Variants in KIRREL3 observed in about 807,000 individuals in gnomAD.
KIRREL3 encodes the protein kirre like nephrin family adhesion molecule 3, also known as kin of IRRE-like protein 3.
Under a neutral mutation model 89.7 loss-of-function variants are expected in KIRREL3, and 36 were observed. That is an observed-to-expected ratio of 0.40 (90% CI 0.31 to 0.53). The LOEUF is 0.53. Among genes scored for constraint, KIRREL3 ranks in the 20% least tolerant of loss-of-function variants. The pLI is 0.49. For missense variants in KIRREL3, 864 were observed against 1,056.6 expected, an observed-to-expected ratio of 0.82 and a Z score of 2.53; for synonymous variants, 445 against 441.4, an observed-to-expected ratio of 1.01 and a Z score of -0.10.
rs1240978396 is a variant in KIRREL3 at position 126,791,343 on chromosome 11, T to C, written c.55+209112A>G. Among the ~76,000 whole-genome samples the C allele has an allele frequency of 2.6e-5, 4 of 152,212 alleles. No individual in the cohort carries two copies. Among genetic ancestry groups the C allele is most frequent in the Non-Finnish European group, 5.9e-5 (4 of 68,044 alleles). On this transcript the variant is annotated intron_variant, in intron 1 of 16. Transcript: ENST00000525144. The surrounding 1 kb of genome is among the most constrained non-coding windows in gnomAD (Gnocchi z 4.8). ...TATCATAATAGGACATTCCAATTCA[T>C]CGTCCCTGGCCTGGGCTGCATGCAG...
intron 1 of KIRREL3, among the ~76,000 whole-genome samples, chr11:126,746,611 C>A (rs1486082677): frequency 6.6e-6 from 1 of 152,142 alleles, no homozygotes; most frequent in Non-Finnish European, 1.5e-5. Flanking sequence ...AATCTGGAAA[C>A]CTGAGCTTGA....
intron 2 of KIRREL3, among the ~76,000 whole-genome samples, chr11:126,539,922 T>C (rs1294570390): frequency 1.3e-5 from 2 of 152,306 alleles, no homozygotes; most frequent in East Asian, 1.9e-4. Flanking sequence ...TGTGACTATC[T>C]AAGAGGGACA....
chr11:126,729,000 T>C (rs772631054), intron 1 of KIRREL3, among the ~76,000 whole-genome samples: 29 of 152,160 alleles, frequency 1.9e-4, no homozygotes, highest in Non-Finnish European at 4.0e-4. Context: ...TGAGGAGACC[T>C]TGAGGAGGAG....
In KIRREL3 at chr11:126,909,782, G is replaced by A. The variant is rs1946739281; in HGVS notation, c.55+90673C>T. ...GAAAACAGTTGTGCATGAGGCTGAA[G>A]CACCGCCATTATAAAAAACTTGGTT... On this transcript the variant is annotated intron_variant, in intron 1 of 16. Coordinates refer to ENST00000525144, the MANE Select transcript of KIRREL3 (RefSeq NM_032531.4). This position sits in a 1 kb window ranked among gnomAD's most constrained non-coding sequence, Gnocchi z 4.5. Among the ~76,000 whole-genome samples, 1 of 152,176 alleles carries A rather than the reference G, an allele frequency of 6.6e-6. No individual in the cohort carries two copies. The highest frequency in any genetic ancestry group is 1.5e-5 in the Non-Finnish European group (1 of 68,024).
rs1322613449 is a variant in KIRREL3 at position 126,557,257 on chromosome 11, G to A, written c.133+5578C>T. On this transcript the variant is annotated intron_variant, in intron 2 of 16. Transcript: ENST00000525144. The surrounding 1 kb of genome is among the most constrained non-coding windows in gnomAD (Gnocchi z 5.6). ...CCAGCATATAGCTGATATGGCCTGA[G>A]TTCACCCTTAATGACAGATGGGAGA... Among the ~76,000 whole-genome samples the A allele has an allele frequency of 6.6e-6, 1 of 152,172 alleles. No individual in the cohort carries two copies. Among genetic ancestry groups the A allele is most frequent in the Non-Finnish European group, 1.5e-5 (1 of 68,048 alleles).
intron 1 of KIRREL3, among the ~76,000 whole-genome samples, chr11:126,727,791 G>T (rs1458916742): frequency 6.6e-6 from 1 of 152,192 alleles, no homozygotes; most frequent in Admixed American, 6.5e-5. Context: ...AGAACTAAAC[G>T]AAGGACTTTC....
At chr11:126,637,800 G>A (rs766442577) in intron 1 of KIRREL3, among the ~76,000 whole-genome samples, 10 of 152,172 alleles carry the variant, frequency 6.6e-5, no homozygotes, top group Non-Finnish European at 1.3e-4. Flanking sequence ...TATCCATCTA[G>A]GAAACATTTA....
rs1388590442 is a variant in KIRREL3 at position 126,846,676 on chromosome 11, C to CA, written c.55+153778dup. 7.3e-5 allele frequency among the ~76,000 whole-genome samples: 11 copies of CA among 151,666 alleles called. No homozygotes were observed. The East Asian group carries it at 1.4e-3, about 19-fold the overall frequency. ...CTACTAAAAACAAAACAAAACAAAACAGACAAACAAAAAAAAATTTCACAC... is the reference window on the plus strand; with the variant it reads ...CTACTAAAAACAAAACAAAACAAAACAAGACAAACAAAAAAAAATTTCACAC... On this transcript the variant is annotated intron_variant, in intron 1 of 16. Transcript: ENST00000525144.
intron 8 of KIRREL3, among the ~76,000 whole-genome samples, chr11:126,448,409 G>A (rs1360181562): frequency 6.6e-6 from 1 of 152,056 alleles, no homozygotes; most frequent in Non-Finnish European, 1.5e-5. Context: ...GTTCTCATTT[G>A]GCCACCTACT....
At chr11:126,779,992 G>T (rs975241482) in intron 1 of KIRREL3, among the ~76,000 whole-genome samples, 4 of 152,144 alleles carry the variant, frequency 2.6e-5, no homozygotes, top group African/African-American at 4.8e-5. Context: ...AGTGGGGAAA[G>T]CTCGGCTGAG....
At chr11:126,800,384 A>G (rs957081517) in intron 1 of KIRREL3, among the ~76,000 whole-genome samples, 2 of 152,138 alleles carry the variant, frequency 1.3e-5, no homozygotes. Context: ...TGGAGCTTGC[A>G]TTGTGATCAC....
At chr11:126,449,200 G>A (rs776609961) in intron 7 of KIRREL3, 43 bp from the exon 8 acceptor site, 6 of 1,606,244 alleles carry the variant, frequency 3.7e-6, no homozygotes, top group African/African-American at 2.7e-5. Flanking sequence ...TGAGTGGCAA[G>A]GCCAACCCTC....
At position 126,655,059 on chromosome 11, in the gene KIRREL3, A is replaced by AC. The variant is rs1804656317; in HGVS notation, c.56-92148dup. Among the ~76,000 whole-genome samples the AC allele has an allele frequency of 6.6e-6, 1 of 152,148 alleles. No individual in the cohort carries two copies. Among genetic ancestry groups the AC allele is most frequent in the Non-Finnish European group, 1.5e-5 (1 of 68,046 alleles). On this transcript the variant is annotated intron_variant, in intron 1 of 16. Transcript: ENST00000525144. The surrounding 1 kb of genome is among the most constrained non-coding windows in gnomAD (Gnocchi z 5.0). ...ACAGGCTGTGCTGAACACAGGTCTCACCCCACTGTGGGCAGGTGGTGGTGG... is the reference window on the plus strand; with the variant it reads ...ACAGGCTGTGCTGAACACAGGTCTCACCCCCACTGTGGGCAGGTGGTGGTGG...
intron 8 of KIRREL3, among the ~76,000 whole-genome samples, chr11:126,448,279 C>CAAAAAAAAAAAAAAAAAAAAAAAA (rs55787866): frequency 1.0e-5 from 1 of 95,384 alleles, no homozygotes; most frequent in Non-Finnish European, 2.1e-5. Flanking sequence ...GAGACTGTCT[C>CAAAAAAAAAAAAAAAAAAAAAAAA]AAAAAAAAAA....
At position 126,811,566 on chromosome 11, in the gene KIRREL3, C is replaced by G. The variant is rs1469957996; in HGVS notation, c.55+188889G>C. ...CTGACCCTTCCCTCACAGCATGCAA[C>G]GTTAGCAATGAACTTCTTTTTTTTC... On this transcript the variant is annotated intron_variant, in intron 1 of 16. Transcript: ENST00000525144. The surrounding 1 kb of genome is among the most constrained non-coding windows in gnomAD (Gnocchi z 4.3). Among the ~76,000 whole-genome samples, 1 of 152,164 alleles carries G rather than the reference C, an allele frequency of 6.6e-6. No homozygotes were observed. The highest frequency in any genetic ancestry group is 1.5e-5 in the Non-Finnish European group (1 of 68,034).
rs1442381914 is a variant in KIRREL3 at position 126,639,606 on chromosome 11, C to T, written c.56-76694G>A. 1.3e-5 allele frequency among the ~76,000 whole-genome samples: 2 copies of T among 152,180 alleles called. No individual in the cohort carries two copies. The highest frequency in any genetic ancestry group is 2.4e-5 in the African/African-American group (1 of 41,436). ...GGGCTCTGCAAGCTGGAGATGAGAT[C>T]GGCTAATCCTGACTCTATTCTTTCG... On this transcript the variant is annotated intron_variant, in intron 1 of 16. Coordinates refer to ENST00000525144, the MANE Select transcript of KIRREL3 (RefSeq NM_032531.4). The surrounding 1 kb of genome is among the most constrained non-coding windows in gnomAD (Gnocchi z 4.3).
In KIRREL3 at chr11:126,563,272, C is replaced by T. The variant is rs1045613100; in HGVS notation, c.56-360G>A. 6.6e-6 allele frequency among the ~76,000 whole-genome samples: 1 copy of T among 152,092 alleles called. No homozygotes were observed. The highest frequency in any genetic ancestry group is 1.5e-5 in the Non-Finnish European group (1 of 68,028). Reference sequence around the variant, plus strand: ...AAACATAACTCTGGGTTATTGAGGCCCTTTGTATCTCAGGCTTGGGGACTA... The same window carrying T: ...AAACATAACTCTGGGTTATTGAGGCTCTTTGTATCTCAGGCTTGGGGACTA... On this transcript the variant is annotated intron_variant, in intron 1 of 16. Transcript: ENST00000525144. This position sits in a 1 kb window ranked among gnomAD's most constrained non-coding sequence, Gnocchi z 6.8.
rs528009117 is a variant in KIRREL3, at chr11:126,977,800, C to G, written c.55+22655G>C. 6.6e-6 allele frequency among the ~76,000 whole-genome samples: 1 copy of G among 152,340 alleles called. No homozygotes were observed. Among genetic ancestry groups the G allele is most frequent in the South Asian group, 2.1e-4 (1 of 4,830 alleles). On this transcript the variant is annotated intron_variant, in intron 1 of 16. Coordinates refer to ENST00000525144, the MANE Select transcript of KIRREL3 (RefSeq NM_032531.4). This position sits in a 1 kb window ranked among gnomAD's most constrained non-coding sequence, Gnocchi z 4.7. Reference sequence around the variant, plus strand: ...AAGAACACTGTTTCAGCAGGACCAGCCTTCCAACCAGTGTCTGGAGAGCTG... The same window carrying G: ...AAGAACACTGTTTCAGCAGGACCAGGCTTCCAACCAGTGTCTGGAGAGCTG...
rs1171267627 is a variant in KIRREL3 at position 126,621,598 on chromosome 11, G to GAACC, written c.56-58690_56-58687dup. ...CTACTCTTAGATACACTCTTTATAA[G>GAACC]AACCATCTTGGTTGAATCCTAATGT... On this transcript the variant is annotated intron_variant, in intron 1 of 16. Transcript: ENST00000525144. 1.8e-4 allele frequency among the ~76,000 whole-genome samples: 27 copies of GAACC among 152,162 alleles called. 1 individual carries two copies. The highest frequency in any genetic ancestry group is 1.2e-3 in the Admixed American group (19 of 15,278).
Sources: gnomAD v4.1 joint callset for allele counts (sites outside exome capture counted in the v4.1 genomes callset) on GRCh38, gnomAD v4.1.1 for gene constraint, Gnocchi (gnomAD v3.1) non-coding constraint, MANE v1.5 for transcripts, NCBI Gene and HGNC (gene_info 2026-07-23, HGNC 2026-07-21) for gene names.